GPR141: variants seen among roughly 807,000 people sequenced by gnomAD.
GPR141 encodes the protein probable G protein-coupled receptor 141.
A neutral mutation model predicts 6.8 loss-of-function variants in GPR141; 6 were observed. That is an observed-to-expected ratio of 0.88 (90% CI 0.48 to 1.74). GPR141 has a LOEUF of 1.74. GPR141 is among the 40% of genes most tolerant of loss of function. The pLI, the probability that GPR141 is intolerant of heterozygous loss-of-function variation, is 0.01. For synonymous variants in GPR141, 140 were observed against 142.3 expected, an observed-to-expected ratio of 0.98 and a Z score of 0.11; for missense variants, 372 against 372.9, an observed-to-expected ratio of 1.00 and a Z score of 0.02.
At chr7:37,704,864 T>A (rs1234154575) in intron 2 of GPR141, among the ~76,000 whole-genome samples, 2 of 152,212 alleles carry the variant, frequency 1.3e-5, no homozygotes, top group Non-Finnish European at 2.9e-5. Flanking sequence ...TACTTATTTT[T>A]AACTCATCCA....
chr7:37,698,825 G>A (rs1218883968), intron 2 of GPR141, among the ~76,000 whole-genome samples: 1 of 152,154 alleles, frequency 6.6e-6, no homozygotes, highest in East Asian at 1.9e-4. Context: ...TAGGAGCAAA[G>A]CTGATATATA....
At chr7:37,689,011 T>G (rs1035910050) in intron 2 of GPR141, among the ~76,000 whole-genome samples, 17 of 152,132 alleles carry the variant, frequency 1.1e-4, no homozygotes, top group African/African-American at 4.1e-4. Context: ...TTTCCAGAAG[T>G]TTTTCGTTAT....
At chr7:37,737,659 T>C (rs1812309995) in intron 2 of GPR141, among the ~76,000 whole-genome samples, 1 of 152,150 alleles carries the variant, frequency 6.6e-6, no homozygotes, top group South Asian at 2.1e-4. Flanking sequence ...TCTTCCCCAG[T>C]GTGGCCCAGG....
intron 2 of GPR141, among the ~76,000 whole-genome samples, chr7:37,712,999 T>C (rs1810880135): frequency 6.6e-6 from 1 of 152,206 alleles, no homozygotes; most frequent in Admixed American, 6.5e-5. Context: ...ATGGTAATGA[T>C]AGAGGCATAG....
chr7:37,734,465 G>A (rs1404997309), intron 2 of GPR141, among the ~76,000 whole-genome samples: 1 of 152,154 alleles, frequency 6.6e-6, no homozygotes, highest in Non-Finnish European at 1.5e-5. Flanking sequence ...GTTGGCTATT[G>A]CTATGGATAA....
In GPR141 at chr7:37,740,493, G is replaced by C. The variant is rs1368671907; in HGVS notation, c.100G>C (p.Gly34Arg). 5 of 1,613,782 alleles carry C rather than the reference G, an allele frequency of 3.1e-6. No homozygotes were observed. In the African/African-American group the frequency reaches 4.0e-5, roughly 13 times the overall value. The change falls in exon 3 of 3, where the codon GGT becomes CGT. Residue 34 changes from glycine (G) to arginine (R), a missense_variant. Gly to Arg is a moderately radical substitution (Grantham distance 125). Transcript: ENST00000334425. ...CATAGTGCTTATTGGCGGGCTGGTG[G>C]GTGTCATTTCCATTCTTTTCCTCCT... The part of the protein sequence containing the change: ...YFIVLIGGLV[G>R]VISILFLLVK...
intron 2 of GPR141, among the ~76,000 whole-genome samples, chr7:37,709,025 G>T (rs147119562): frequency 6.6e-6 from 1 of 152,032 alleles, no homozygotes; most frequent in Non-Finnish European, 1.5e-5. Context: ...ACAAGCTATA[G>T]CACCTATTTT....
At chr7:37,715,832 C>G (rs561955186) in intron 2 of GPR141, among the ~76,000 whole-genome samples, 1 of 152,098 alleles carries the variant, frequency 6.6e-6, no homozygotes, top group Non-Finnish European at 1.5e-5. Context: ...ATTTGTAGGC[C>G]GCCAATGCAC....
intron 2 of GPR141, among the ~76,000 whole-genome samples, chr7:37,710,636 T>C (rs148409116): frequency 1.3e-3 from 200 of 152,354 alleles, no homozygotes; most frequent in African/African-American, 4.6e-3. Flanking sequence ...TTTGTTGTTG[T>C]ACTCACTTTA....
chr7:37,722,979 C>CTTCCTTCCTTCCTTCT (rs1562783541), intron 2 of GPR141, among the ~76,000 whole-genome samples: 1 of 77,736 alleles, frequency 1.3e-5, no homozygotes, highest in Non-Finnish European at 2.7e-5. Flanking sequence ...TCCTTCCTTC[C>CTTCCTTCCTTCCTTCT]TTCTTTCTTT....
At chr7:37,690,926 GTTACTGTA>G (rs1335716828) in intron 2 of GPR141, among the ~76,000 whole-genome samples, 1 of 152,142 alleles carries the variant, frequency 6.6e-6, no homozygotes, top group Non-Finnish European at 1.5e-5. Context: ...AGTCTCCTGT[GTTACTGTA>G]TTGTAGTCTA....
intron 2 of GPR141, among the ~76,000 whole-genome samples, chr7:37,708,335 A>AAC (rs1810635475): frequency 2.1e-5 from 3 of 142,792 alleles, no homozygotes; most frequent in Admixed American, 1.4e-4. Context: ...AAAAAAAAAA[A>AAC]CGCAAAAGCT....
chr7:37,741,136 A>C lies in GPR141; in HGVS notation c.743A>C (p.Tyr248Ser), dbSNP rs1347720912. The C allele has an allele frequency of 6.2e-7, 1 of 1,613,966 alleles. No individual in the cohort carries two copies. Among genetic ancestry groups the C allele is most frequent in the South Asian group, 1.1e-5 (1 of 91,066 alleles). ...CCCTACCAGTTCTTTAGGATCTATT[A>C]CTTGAATGTTGTGACGCATTCCAAT... ...FLPYQFFRIY[Y>S]LNVVTHSNAC... The change falls in exon 3 of 3, where the codon TAC becomes TCC. Residue 248 changes from tyrosine to serine, a missense_variant. By Grantham distance (144) the Tyr-to-Ser change is moderately radical. Transcript: ENST00000334425.
At chr7:37,714,099 G>T (rs1317690879) in intron 2 of GPR141, among the ~76,000 whole-genome samples, 1 of 151,748 alleles carries the variant, frequency 6.6e-6, no homozygotes, top group East Asian at 1.9e-4. Context: ...TTTTCTCTGA[G>T]ATGTAGTAAA....
chr7:37,728,649 C>A (rs1202119837), intron 2 of GPR141, among the ~76,000 whole-genome samples: 2 of 151,886 alleles, frequency 1.3e-5, no homozygotes, highest in Non-Finnish European at 2.9e-5. Context: ...GAGACCCAAG[C>A]AAGGTTGTGG....
At chr7:37,719,654 T>A (rs1391740410) in intron 2 of GPR141, among the ~76,000 whole-genome samples, 1 of 152,166 alleles carries the variant, frequency 6.6e-6, no homozygotes, top group African/African-American at 2.4e-5. Context: ...AATCTTAGAG[T>A]TCGCCTTGGC....
intron 2 of GPR141, among the ~76,000 whole-genome samples, chr7:37,739,268 T>C (rs1812409348): frequency 1.3e-5 from 2 of 152,248 alleles, no homozygotes; most frequent in Non-Finnish European, 2.9e-5. Flanking sequence ...GAGTGAGTTC[T>C]TTCTCAAATC....
At chr7:37,725,009 C>T (rs1811554629) in intron 2 of GPR141, among the ~76,000 whole-genome samples, 1 of 152,106 alleles carries the variant, frequency 6.6e-6, no homozygotes, top group Admixed American at 6.5e-5. Flanking sequence ...GTGTGGGCCT[C>T]GGTGTCTTCC....
intron 2 of GPR141, among the ~76,000 whole-genome samples, chr7:37,707,541 A>C (rs151257023): frequency 3.5e-4 from 54 of 152,346 alleles, no homozygotes; most frequent in African/African-American, 1.3e-3. Context: ...GCATTTATCA[A>C]GTGTACACTC....
Sources: allele counts gnomAD v4.1 joint callset (sites outside exome capture counted in the v4.1 genomes callset), GRCh38; gene constraint gnomAD v4.1.1; transcripts MANE v1.5; gene names NCBI Gene and HGNC (gene_info 2026-07-23, HGNC 2026-07-21).